LPAR6: variants seen among roughly 807,000 people sequenced by gnomAD.
LPAR6 encodes the protein lysophosphatidic acid receptor 6, also known as G-protein coupled purinergic receptor P2Y5.
LPAR6 carries 17 observed loss-of-function variants against 22.0 expected under a neutral mutation model. That is an observed-to-expected ratio of 0.77 (90% CI 0.53 to 1.16). The LOEUF (loss-of-function observed/expected upper bound fraction) is 1.16. Among genes scored for constraint, LPAR6 ranks in the 50% most tolerant of loss-of-function variants. The pLI is 0.00. For synonymous variants in LPAR6, 136 were observed against 139.8 expected (o/e 0.97, Z 0.19); for missense variants, 384 against 406.9 (o/e 0.94, Z 0.48).
intron 1 of LPAR6, among the ~76,000 whole-genome samples, chr13:48,395,293 A>AACCAGC (rs1948639193): frequency 6.6e-6 from 1 of 152,168 alleles, no homozygotes; most frequent in Non-Finnish European, 1.5e-5. Context: ...GATGAGGAAA[A>AACCAGC]ACCAGCACAA....
downstream of LPAR6, among the ~76,000 whole-genome samples, chr13:48,407,079 C>T (rs900644571): frequency 6.6e-6 from 1 of 152,206 alleles, no homozygotes; most frequent in Non-Finnish European, 1.5e-5. Context: ...TTTGATAGGA[C>T]GATAATGGAA....
chr13:48,409,173 G>T, downstream of LPAR6, among the ~76,000 whole-genome samples: 1 of 141,514 alleles, frequency 7.1e-6, no homozygotes, highest in African/African-American at 2.7e-5. Flanking sequence ...TTTTGAGATA[G>T]GATCTTGCTC....
At chr13:48,414,705 G>C (rs1370465661), upstream of LPAR6, among the ~76,000 whole-genome samples, 1 of 151,952 alleles carries the variant, frequency 6.6e-6, no homozygotes, top group African/African-American at 2.4e-5. Context: ...TTCACACTCA[G>C]CAATTTTTGT....
intron 1 of LPAR6, among the ~76,000 whole-genome samples, chr13:48,437,878 A>T (rs1473436093): frequency 6.6e-6 from 1 of 152,192 alleles, no homozygotes; most frequent in Non-Finnish European, 1.5e-5. Flanking sequence ...GTCAGAGATT[A>T]TTGGGGTGAT....
chr13:48,400,056 A>C (rs1948678720), intron 1 of LPAR6, among the ~76,000 whole-genome samples: 1 of 152,078 alleles, frequency 6.6e-6, no homozygotes, highest in Non-Finnish European at 1.5e-5. Context: ...CAAAAATCTA[A>C]CAACTCAGGA....
At chr13:48,439,062 A>G (rs1949210940) in intron 1 of LPAR6, among the ~76,000 whole-genome samples, 1 of 152,172 alleles carries the variant, frequency 6.6e-6, no homozygotes, top group Non-Finnish European at 1.5e-5. Flanking sequence ...ATGGGCAAAG[A>G]AAGAGTGAAA....
intron 1 of LPAR6, among the ~76,000 whole-genome samples, chr13:48,396,384 C>A (rs957404278): frequency 2.0e-5 from 3 of 152,142 alleles, no homozygotes; most frequent in African/African-American, 7.2e-5. Context: ...TTGACAAAAA[C>A]AACCAATGGG....
chr13:48,394,955 A>G (rs949850319), intron 1 of LPAR6, among the ~76,000 whole-genome samples: 4 of 152,186 alleles, frequency 2.6e-5, no homozygotes. Context: ...TGACTGGGAA[A>G]CACCTCCTGG....
At chr13:48,429,490 C>T (rs1949108582), upstream of LPAR6, 1 of 152,076 alleles carries the variant, frequency 6.6e-6, no homozygotes, top group Admixed American at 6.6e-5. Flanking sequence ...GTCTCTAGGC[C>T]TCAGACTCCT....
chr13:48,431,689 C>A (rs1456579323), upstream of LPAR6, among the ~76,000 whole-genome samples: 1 of 152,142 alleles, frequency 6.6e-6, no homozygotes, highest in Non-Finnish European at 1.5e-5. Context: ...AAACAAAAGA[C>A]CAAAGGACGG....
chr13:48,423,993 T>C (rs1279815722), intron 1 of LPAR6: 1 of 152,662 alleles, frequency 6.6e-6, no homozygotes, highest in Non-Finnish European at 1.5e-5. Context: ...CTAAACTTAC[T>C]TCAGTCATTT....
downstream of LPAR6, among the ~76,000 whole-genome samples, chr13:48,409,131 T>A (rs1948765649): frequency 1.3e-5 from 2 of 151,374 alleles, no homozygotes; most frequent in Non-Finnish European, 2.9e-5. Context: ...ACTAGTTTTT[T>A]GGGTTTTTTT....
chr13:48,423,415 T>C (rs2138251833), intron 1 of LPAR6, among the ~76,000 whole-genome samples: 1 of 152,240 alleles, frequency 6.6e-6, no homozygotes, highest in African/African-American at 2.4e-5. Context: ...CACCTTACAC[T>C]CTTTATGTTT....
chr13:48,409,020 G>A (rs1273102358), downstream of LPAR6, among the ~76,000 whole-genome samples: 1 of 151,736 alleles, frequency 6.6e-6, no homozygotes, highest in African/African-American at 2.4e-5. Flanking sequence ...ATTTACTGAA[G>A]TGTAATATCA....
chr13:48,437,829 A>C (rs75062442), intron 1 of LPAR6, among the ~76,000 whole-genome samples: 140 of 152,290 alleles, frequency 9.2e-4, no homozygotes, highest in Middle Eastern at 3.4e-3. Context: ...ACCCTGGTAC[A>C]GTTTAGGAAC....
At chr13:48,426,201 A>G (rs1244681592) in intron 1 of LPAR6, among the ~76,000 whole-genome samples, 1 of 152,220 alleles carries the variant, frequency 6.6e-6, no homozygotes, top group Non-Finnish European at 1.5e-5. Context: ...AAATGAAAAC[A>G]TATTCTGAAT....
intron 1 of LPAR6, among the ~76,000 whole-genome samples, chr13:48,398,112 G>A (rs1593466909): frequency 6.6e-6 from 1 of 152,124 alleles, no homozygotes; most frequent in Non-Finnish European, 1.5e-5. Flanking sequence ...TTACACAACA[G>A]CCATGCTAAT....
chr13:48,432,602 G>T (rs1311875137), intron 1 of LPAR6, among the ~76,000 whole-genome samples: 1 of 151,696 alleles, frequency 6.6e-6, no homozygotes, highest in Non-Finnish European at 1.5e-5. Context: ...TAATGCTTTG[G>T]TTAGCATCCT....
Position 48,411,411 on chromosome 13 carries a change from A to G in LPAR6, c.1013T>C (p.Phe338Ser). The change falls in exon 1 of 1, where the codon TTT becomes TCT. Residue 338 changes from phenylalanine to serine, a missense_variant. Transcript: ENST00000620633. ...ATTTCAGGCAGCAGATTCATTGTCA[A>G]ATATCTTACTTTTTAAGGTCTGTAG... is the stretch of plus-strand genomic sequence containing the variant. ...HNLQTLKSKI[F>S]DNESAA 1 of 1,612,188 alleles carries G rather than the reference A, an allele frequency of 6.2e-7. No individual in the cohort carries two copies. Among genetic ancestry groups the G allele is most frequent in the Non-Finnish European group, 8.5e-7 (1 of 1,179,638 alleles).
Sources: gnomAD v4.1 joint callset for allele counts (sites outside exome capture counted in the v4.1 genomes callset) on GRCh38, gnomAD v4.1.1 for gene constraint, MANE v1.5 for transcripts, NCBI Gene and HGNC (gene_info 2026-07-23, HGNC 2026-07-21) for gene names.